The following CACNB2 variants were observed in gnomAD, a reference collection of about 807,000 sequenced individuals.
The protein encoded by CACNB2 is voltage-dependent L-type calcium channel subunit beta-2.
Under a neutral mutation model 73.3 loss-of-function variants are expected in CACNB2, and 42 were observed. The observed-to-expected ratio is 0.57, with a 90% CI of 0.45 to 0.74. The LOEUF (loss-of-function observed/expected upper bound fraction) is 0.74. Ranked by LOEUF, CACNB2 falls within the 30% of genes least tolerant of loss-of-function variation. The pLI, the probability that CACNB2 is intolerant of heterozygous loss-of-function variation, is 0.00. For missense variants in CACNB2, 940 were observed against 853.0 expected, an observed-to-expected ratio of 1.10 and a Z score of -1.27; for synonymous variants, 348 against 310.3, an observed-to-expected ratio of 1.12 and a Z score of -1.28.
intron 5 of CACNB2, among the ~76,000 whole-genome samples, chr10:18,505,853 C>T (rs1358257922): frequency 3.3e-5 from 5 of 152,144 alleles, no homozygotes; most frequent in Non-Finnish European, 7.3e-5. Flanking sequence ...CCTAAATTAA[C>T]CACGTTTCAT....
chr10:18,381,069 T>A (rs1290260648), intron 2 of CACNB2, among the ~76,000 whole-genome samples: 1 of 151,606 alleles, frequency 6.6e-6, no homozygotes, highest in Non-Finnish European at 1.5e-5. Context: ...GAGAAAGTAG[T>A]GAGATGGACA....
intron 2 of CACNB2, among the ~76,000 whole-genome samples, chr10:18,363,204 A>G (rs576193890): frequency 2.4e-4 from 36 of 152,312 alleles, no homozygotes; most frequent in Admixed American, 1.2e-3. Context: ...CCCTTGTGTT[A>G]AAATCTGGGA....
chr10:18,412,083 C>A (rs1254309377), intron 3 of CACNB2, among the ~76,000 whole-genome samples: 2 of 152,178 alleles, frequency 1.3e-5, no homozygotes, highest in African/African-American at 4.8e-5. Context: ...GTCTCGTTCT[C>A]TTCCATATGG....
At chr10:18,248,759 C>G (rs1475668347) in intron 2 of CACNB2, among the ~76,000 whole-genome samples, 1 of 152,206 alleles carries the variant, frequency 6.6e-6, no homozygotes, top group Non-Finnish European at 1.5e-5. Context: ...CTCCTCTCCT[C>G]AGATCCTCAT....
At chr10:18,356,566 T>G (rs2132174784) in intron 2 of CACNB2, among the ~76,000 whole-genome samples, 1 of 152,310 alleles carries the variant, frequency 6.6e-6, no homozygotes, top group South Asian at 2.1e-4. Flanking sequence ...CCCAGTTTGC[T>G]TCGTATAAAT....
intron 2 of CACNB2, among the ~76,000 whole-genome samples, chr10:18,169,698 C>T (rs921752480): frequency 1.4e-4 from 22 of 152,152 alleles, no homozygotes; most frequent in African/African-American, 5.3e-4. Flanking sequence ...GTCACAGTGT[C>T]TTCTTGCTTG....
chr10:18,380,280 C>A lies in CACNB2; in HGVS notation c.214-21644C>A, dbSNP rs1369936552. On this transcript the variant is annotated intron_variant, in intron 2 of 13. Transcript: ENST00000324631. ...GCATTTTCATTTTGTTTTTTCTTAGCAAAAAAATAAAAATTAAAAGGTCTT... is the reference window on the plus strand; with the variant it reads ...GCATTTTCATTTTGTTTTTTCTTAGAAAAAAAATAAAAATTAAAAGGTCTT... Among the ~76,000 whole-genome samples, 4 of 151,148 alleles carry A rather than the reference C, an allele frequency of 2.6e-5. No individual in the cohort carries two copies. The East Asian group carries it at 7.8e-4, about 29-fold the overall frequency.
At chr10:18,313,992 G>T (rs2040059823) in intron 2 of CACNB2, among the ~76,000 whole-genome samples, 1 of 152,210 alleles carries the variant, frequency 6.6e-6, no homozygotes, top group Non-Finnish European at 1.5e-5. Flanking sequence ...AAGGCTTCTG[G>T]ACAGTCAAAT....
intron 2 of CACNB2, among the ~76,000 whole-genome samples, chr10:18,356,478 C>T (rs1451818832): frequency 6.6e-6 from 1 of 152,120 alleles, no homozygotes; most frequent in Admixed American, 6.5e-5. Context: ...TACTTTGATC[C>T]TAAACATCTC....
chr10:18,149,396 C>T (rs1013520114), intron 1 of CACNB2, among the ~76,000 whole-genome samples: 3 of 152,146 alleles, frequency 2.0e-5, no homozygotes, highest in Non-Finnish European at 2.9e-5. Context: ...TATGAAAGAC[C>T]AGCGTAGCTT....
At chr10:18,535,544 G>GGGA (rs1302574227) in intron 11 of CACNB2, among the ~76,000 whole-genome samples, 4 of 152,002 alleles carry the variant, frequency 2.6e-5, no homozygotes, top group African/African-American at 9.7e-5. Context: ...AGGCTGAGGT[G>GGGA]GGAGGATCAT....
intron 2 of CACNB2, among the ~76,000 whole-genome samples, chr10:18,312,481 G>A (rs2039998577): frequency 6.6e-6 from 1 of 152,108 alleles, no homozygotes; most frequent in African/African-American, 2.4e-5. Flanking sequence ...TTATATAACA[G>A]CCAGAAATAT....
rs761212557 is a variant in CACNB2 at position 18,270,378 on chromosome 10, C to T, written c.213+119403C>T. 7.8e-4 allele frequency among the ~76,000 whole-genome samples: 118 copies of T among 152,130 alleles called. 2 individuals are homozygous for T. Among genetic ancestry groups the T allele is most frequent in the Admixed American group, 3.9e-4 (6 of 15,266 alleles). On this transcript the variant is annotated intron_variant, in intron 2 of 13. Coordinates refer to ENST00000324631, the MANE Select transcript of CACNB2 (RefSeq NM_201596.3). ...GGGTGGGGACAAAGCCAAACTCTAT[C>T]AGCAGCCTCCTAACTGGTCACCCCA...
chr10:18,447,187 G>A (rs897417326), intron 3 of CACNB2, among the ~76,000 whole-genome samples: 1 of 151,992 alleles, frequency 6.6e-6, no homozygotes, highest in African/African-American at 2.4e-5. Flanking sequence ...ATAAAAACTG[G>A]GAAGTTGACA....
chr10:18,515,844 C>T (rs1000959324), intron 7 of CACNB2, among the ~76,000 whole-genome samples: 1 of 152,210 alleles, frequency 6.6e-6, no homozygotes, highest in Non-Finnish European at 1.5e-5. Context: ...CCCTGTTTGT[C>T]AAGATAGGTT....
At chr10:18,297,753 T>G (rs2039336699) in intron 2 of CACNB2, among the ~76,000 whole-genome samples, 1 of 152,112 alleles carries the variant, frequency 6.6e-6, no homozygotes, top group Admixed American at 6.5e-5. Context: ...TGGTGGAACA[T>G]CTCTCTTCCG....
chr10:18,526,027 G>A (rs1214471147), intron 9 of CACNB2, among the ~76,000 whole-genome samples: 1 of 152,162 alleles, frequency 6.6e-6, no homozygotes, highest in Non-Finnish European at 1.5e-5. Context: ...TTCTGAAGAT[G>A]CCTGACAAAC....
intron 2 of CACNB2, among the ~76,000 whole-genome samples, chr10:18,399,420 T>C (rs979909507): frequency 6.6e-6 from 1 of 152,174 alleles, no homozygotes; most frequent in African/African-American, 2.4e-5. Flanking sequence ...GATACCACAA[T>C]TGAGGTACAA....
At chr10:18,501,264 A>T (rs145566366) in intron 5 of CACNB2, among the ~76,000 whole-genome samples, 325 of 152,352 alleles carry the variant, frequency 2.1e-3, no homozygotes, top group Non-Finnish European at 3.0e-3. Flanking sequence ...AGTCTGGCAC[A>T]TCATAGCCCT....
Sources: gnomAD v4.1 joint callset for allele counts (sites outside exome capture counted in the v4.1 genomes callset) on GRCh38, gnomAD v4.1.1 for gene constraint, MANE v1.5 for transcripts, NCBI Gene and HGNC (gene_info 2026-07-23, HGNC 2026-07-21) for gene names.